Variants in RNF114 observed in about 807,000 individuals in gnomAD.
RNF114 encodes the protein ring finger protein 114, also known as E3 ubiquitin-protein ligase RNF114.
In RNF114, 6 loss-of-function variants were observed where a neutral mutation model predicts 28.4. The ratio of observed to expected loss-of-function variants is 0.21; its 90% CI spans 0.12 to 0.42. The LOEUF (loss-of-function observed/expected upper bound fraction) is 0.42, where lower values mean the gene tolerates loss of function less well. Ranked by LOEUF, RNF114 falls within the 10% of genes least tolerant of loss-of-function variation. The pLI, the probability that RNF114 is intolerant of heterozygous loss-of-function variation, is 1.00. For synonymous variants in RNF114, 115 were observed against 116.7 expected, an observed-to-expected ratio of 0.99 and a Z score of 0.09; for missense variants, 249 against 311.7, an observed-to-expected ratio of 0.80 and a Z score of 1.51.
rs1031238937 is a variant in RNF114, at chr20:49,953,153, A to T, written c.*1012A>T. On this transcript the variant is annotated 3_prime_UTR_variant, in exon 6 of 6. Transcript: ENST00000244061. ...TATGACACTGGTTTCGACATGTAAA[A>T]TGTGTTTGAAAACCTGCTTTGTAGA... 4 of 152,140 alleles carry T rather than the reference A, an allele frequency of 2.6e-5. No individual in the cohort carries two copies. The highest frequency in any genetic ancestry group is 9.7e-5 in the African/African-American group (4 of 41,432). 9.4% of individuals were successfully genotyped at this position (152,140 alleles called of 1,614,324 possible). A position where few individuals can be genotyped will look rare whatever the true frequency, so the allele number is the denominator to read the frequency against.
chr20:49,944,702 G>A (rs923084411), intron 2 of RNF114: 1 of 152,234 alleles, frequency 6.6e-6, no homozygotes, highest in African/African-American at 2.4e-5. Context: ...CTAACGTGGT[G>A]AAACTCCATC....
Position 49,953,706 on chromosome 20 carries a change from C to T in RNF114, c.*1565C>T, listed in dbSNP as rs1191345482. On this transcript the variant is annotated 3_prime_UTR_variant, in exon 6 of 6. Coordinates refer to ENST00000244061, the MANE Select transcript of RNF114 (RefSeq NM_018683.4). Reference sequence around the variant, plus strand: ...AAGTCTGGAGGGAAATCTGGCGAAACCTTCGTTTGAGGGACTGATGTGAGT... The same window carrying T: ...AAGTCTGGAGGGAAATCTGGCGAAATCTTCGTTTGAGGGACTGATGTGAGT... The T allele has an allele frequency of 2.0e-5, 3 of 152,072 alleles. No homozygotes were observed. The highest frequency in any genetic ancestry group is 3.9e-4 in the East Asian group (2 of 5,192). The allele number at this position is 152,072 out of a possible 1,614,324, so 9.4% of individuals were successfully genotyped here. A position where few individuals can be genotyped will look rare whatever the true frequency, so the allele number is the denominator to read the frequency against.
intron 1 of RNF114, among the ~76,000 whole-genome samples, chr20:49,940,441 C>T (rs985240678): frequency 1.2e-4 from 18 of 150,094 alleles, no homozygotes; most frequent in African/African-American, 4.4e-4. Flanking sequence ...GACGGAGTCT[C>T]GCTCTGTCTC....
chr20:49,946,260 CTTTTT>C lies in RNF114; in HGVS notation c.513+21_513+25del. On this transcript the variant is annotated intron_variant, in intron 4 of 5. Coordinates refer to ENST00000244061, the MANE Select transcript of RNF114 (RefSeq NM_018683.4). ...GGATACCAAATCTGTGGTGAGTAAC[CTTTTT>C]TTTTTTTTTTAAACTTCATTAAGGG... 9.3e-7 allele frequency: 1 copy of C among 1,080,352 alleles called. No individual in the cohort carries two copies. The highest frequency in any genetic ancestry group is 1.3e-6 in the Non-Finnish European group (1 of 755,594). 66.9% of individuals were successfully genotyped at this position (1,080,352 alleles called of 1,614,324 possible).
chr20:49,937,932 T>C (rs2090293989), intron 1 of RNF114, among the ~76,000 whole-genome samples: 1 of 152,164 alleles, frequency 6.6e-6, no homozygotes, highest in South Asian at 2.1e-4. Flanking sequence ...GAGTTTACAG[T>C]CCAGTGAATT....
At chr20:49,942,702 T>A (rs2090312515) in intron 2 of RNF114, among the ~76,000 whole-genome samples, 1 of 152,116 alleles carries the variant, frequency 6.6e-6, no homozygotes, top group East Asian at 1.9e-4. Flanking sequence ...TGTGTGCCCG[T>A]AGTCTCAACT....
chr20:49,941,919 T>C (rs2090309611), intron 2 of RNF114: 9 of 506,714 alleles, frequency 1.8e-5, no homozygotes, highest in Non-Finnish European at 3.1e-5. Flanking sequence ...GTTAAGTATA[T>C]ATTTTAGGTT....
chr20:49,949,484 T>TA (rs1226576509), intron 5 of RNF114, 129 bp downstream of exon 5: 22 of 730,050 alleles, frequency 3.0e-5, no homozygotes, highest in Non-Finnish European at 4.3e-5. Context: ...TTCCAGTCTG[T>TA]ATACTGGATA....
intron 3 of RNF114, 30 bp downstream of exon 3, chr20:49,945,518 G>A (rs2090326759): frequency 3.7e-6 from 5 of 1,353,280 alleles, no homozygotes; most frequent in African/African-American, 3.0e-5. Flanking sequence ...CTTAGGTGGA[G>A]GTCATCTCTT....
At chr20:49,943,873 G>GATATATATATATATATATATAT (rs71190517) in intron 2 of RNF114, 1 of 122,136 alleles carries the variant, frequency 8.2e-6, no homozygotes, top group Non-Finnish European at 1.7e-5. Flanking sequence ...TACACACAGA[G>GATATATATATATATATATATAT]ATATATATAT....
At chr20:49,942,530 G>A (rs961045868) in intron 2 of RNF114, among the ~76,000 whole-genome samples, 1 of 152,048 alleles carries the variant, frequency 6.6e-6, no homozygotes, top group Non-Finnish European at 1.5e-5. Context: ...TTCAAAATTC[G>A]TTCAACTTAA....
intron 5 of RNF114, 130 bp downstream of exon 5, chr20:49,949,485 A>C (rs6067280): frequency 2.7e-6 from 2 of 727,396 alleles, no homozygotes; most frequent in South Asian, 3.2e-5. Context: ...TCCAGTCTGT[A>C]TACTGGATAC....
intron 3 of RNF114, 50 bp from the exon 4 acceptor site, chr20:49,946,086 G>GA: frequency 1.0e-6 from 1 of 964,356 alleles, no homozygotes; most frequent in Non-Finnish European, 1.6e-6. Flanking sequence ...AAGTTTAATG[G>GA]AAAGGTACTC....
At position 49,946,222 on chromosome 20, in the gene RNF114, T is replaced by C; in HGVS notation, c.485T>C (p.Leu162Ser). The C allele has an allele frequency of 6.2e-7, 1 of 1,606,072 alleles. No individual in the cohort carries two copies. Residue 162 changes from leucine (L) to serine (S), a missense_variant, in exon 4 of 6, where the codon TTA (leucine) becomes TCA (serine). Around this residue, in one of 2 missense-constraint regions of RNF114, gnomAD observed 126 missense variants for 205.3 expected, o/e 0.61. Transcript: ENST00000244061. ...DQEGLVEHCK[L>S]FHSTDTKSVV... is the part of the protein sequence containing the mutation. ...GAAGGACTTGTGGAACACTGCAAAT[T>C]ATTCCATAGCACGGATACCAAATCT...
At chr20:49,943,997 G>A (rs1439568902) in intron 2 of RNF114, 1 of 151,146 alleles carries the variant, frequency 6.6e-6, no homozygotes, top group African/African-American at 2.4e-5. Context: ...CAAAATGCTG[G>A]GATTATAGGC....
At position 49,953,627 on chromosome 20, in the gene RNF114, CTG is replaced by C. The variant is rs2146862526; in HGVS notation, c.*1488_*1489del. 6.6e-6 allele frequency: 1 copy of C among 152,246 alleles called. No homozygotes were observed. Among genetic ancestry groups the C allele is most frequent in the South Asian group, 2.1e-4 (1 of 4,814 alleles). 9.4% of individuals were successfully genotyped at this position (152,246 alleles called of 1,614,324 possible). On this transcript the variant is annotated 3_prime_UTR_variant, in exon 6 of 6. Coordinates refer to ENST00000244061, the MANE Select transcript of RNF114 (RefSeq NM_018683.4). ...CCAAAAGTTAAGGTCAGCTTGTTCA[CTG>C]TAATTTCTGGAAGAAGTTCACTCAG...
intron 1 of RNF114, among the ~76,000 whole-genome samples, chr20:49,939,006 C>T (rs1010009548): frequency 6.6e-6 from 1 of 152,160 alleles, no homozygotes; most frequent in East Asian, 1.9e-4. Context: ...GCATCATGGC[C>T]CCCAAGGTCT....
At chr20:49,948,316 T>C (rs1199767016) in intron 4 of RNF114, among the ~76,000 whole-genome samples, 1 of 152,164 alleles carries the variant, frequency 6.6e-6, no homozygotes, top group Non-Finnish European at 1.5e-5. Context: ...TTAGGTCTTC[T>C]CTCTCCCTGG....
intron 4 of RNF114, among the ~76,000 whole-genome samples, chr20:49,946,541 T>G (rs1481284161): frequency 6.6e-6 from 1 of 152,210 alleles, no homozygotes; most frequent in Admixed American, 6.5e-5. Flanking sequence ...AATTATATTT[T>G]TGTGTGTATA....
Sources: allele counts gnomAD v4.1 joint callset (sites outside exome capture counted in the v4.1 genomes callset), GRCh38; gene constraint gnomAD v4.1.1; regional missense constraint gnomAD v4.1.1; transcripts MANE v1.5; gene names NCBI Gene and HGNC (gene_info 2026-07-23, HGNC 2026-07-21).